Variants in DDHD1 observed in about 807,000 individuals in gnomAD.
The protein encoded by DDHD1 is DDHD domain containing 1.
In DDHD1, 49 loss-of-function variants were observed where a neutral mutation model predicts 96.4. The ratio of observed to expected loss-of-function variants is 0.51; its 90% CI spans 0.40 to 0.64. The LOEUF (loss-of-function observed/expected upper bound fraction) is 0.64, where lower values mean the gene tolerates loss of function less well. Ranked by LOEUF, DDHD1 falls within the 30% of genes least tolerant of loss-of-function variation. The pLI is 0.00. For synonymous variants in DDHD1, 442 were observed against 446.5 expected, an observed-to-expected ratio of 0.99 and a Z score of 0.13; for missense variants, 1,106 against 1,161.2, an observed-to-expected ratio of 0.95 and a Z score of 0.69.
At chr14:53,067,962 G>C (rs1006410003) in intron 6 of DDHD1, among the ~76,000 whole-genome samples, 2 of 152,084 alleles carry the variant, frequency 1.3e-5, no homozygotes, top group African/African-American at 4.8e-5. Context: ...TATATGTCAT[G>C]ATCTTTTACC....
intron 1 of DDHD1, among the ~76,000 whole-genome samples, chr14:53,139,447 G>T (rs1382507056): frequency 6.6e-6 from 1 of 152,240 alleles, no homozygotes; most frequent in East Asian, 1.9e-4. Flanking sequence ...CCCTCTACTC[G>T]AAATGCAAGG....
At chr14:53,059,371 A>G (rs922141947) in intron 8 of DDHD1, among the ~76,000 whole-genome samples, 28 of 151,910 alleles carry the variant, frequency 1.8e-4, no homozygotes, top group Non-Finnish European at 2.8e-4. Context: ...CAGCCTCCTG[A>G]GTAGCTGGAA....
intron 2 of DDHD1, chr14:53,093,707 C>T (rs1399610787): frequency 1.0e-5 from 4 of 386,684 alleles, no homozygotes; most frequent in African/African-American, 8.5e-5. Flanking sequence ...ATAATTTTAA[C>T]CTCTAATATA....
intron 6 of DDHD1, among the ~76,000 whole-genome samples, chr14:53,071,518 T>A (rs1276869764): frequency 6.6e-6 from 1 of 152,028 alleles, no homozygotes; most frequent in Non-Finnish European, 1.5e-5. Context: ...CGTAGTAAGT[T>A]CTCAATAAAC....
chr14:53,041,753 C>T lies in DDHD1; in HGVS notation c.*5015G>A, dbSNP rs911480603. 1 of 151,978 alleles carries T rather than the reference C, an allele frequency of 6.6e-6. No homozygotes were observed. The highest frequency in any genetic ancestry group is 2.4e-5 in the African/African-American group (1 of 41,378). The allele number at this position is 151,978 out of a possible 1,614,324, so 9.4% of individuals were successfully genotyped here. A position where few individuals can be genotyped will look rare whatever the true frequency, so the allele number is the denominator to read the frequency against. ...GGCATAAACGGAAGTCTGTCCAGAC[C>T]TGATAGGGTACTCTTATGAGAGTCT... is the stretch of plus-strand genomic sequence containing the variant. On this transcript the variant is annotated 3_prime_UTR_variant, in exon 13 of 13. Transcript: ENST00000673822.
chr14:53,131,512 C>T (rs1206514879), intron 1 of DDHD1, among the ~76,000 whole-genome samples: 3 of 152,170 alleles, frequency 2.0e-5, no homozygotes, highest in Non-Finnish European at 2.9e-5. Context: ...TACCTTCCTC[C>T]ACAACCCATT....
intron 1 of DDHD1, among the ~76,000 whole-genome samples, chr14:53,109,998 A>G (rs1265643723): frequency 6.6e-6 from 1 of 152,162 alleles, no homozygotes; most frequent in Admixed American, 6.6e-5. Flanking sequence ...AGCTTCCTGG[A>G]AAAAAATTGA....
chr14:53,120,149 C>A (rs1174433225), intron 1 of DDHD1, among the ~76,000 whole-genome samples: 1 of 152,132 alleles, frequency 6.6e-6, no homozygotes, highest in Non-Finnish European at 1.5e-5. Flanking sequence ...TTCTTATACA[C>A]CAATAATAGA....
intron 1 of DDHD1, 151 bp from the exon 2 acceptor site, chr14:53,104,007 ATTTAT>A: frequency 2.9e-6 from 2 of 683,722 alleles, no homozygotes; most frequent in Non-Finnish European, 2.3e-6. Flanking sequence ...ATTTATGTTT[ATTTAT>A]TTTGAGATAT....
At chr14:53,114,708 C>A (rs1000659123) in intron 1 of DDHD1, among the ~76,000 whole-genome samples, 2 of 152,180 alleles carry the variant, frequency 1.3e-5, no homozygotes, top group East Asian at 1.9e-4. Flanking sequence ...CACACAAAAA[C>A]CCCATCCAAA....
chr14:53,150,337 T>A (rs1891258517), intron 1 of DDHD1, among the ~76,000 whole-genome samples: 1 of 152,246 alleles, frequency 6.6e-6, no homozygotes, highest in African/African-American at 2.4e-5. Flanking sequence ...CTTTGCATAC[T>A]GCACTGTATT....
At chr14:53,148,644 A>T (rs938161445) in intron 1 of DDHD1, among the ~76,000 whole-genome samples, 2 of 152,186 alleles carry the variant, frequency 1.3e-5, no homozygotes, top group Admixed American at 1.3e-4. Flanking sequence ...AGCTCATGAA[A>T]TATCTCTAGA....
intron 9 of DDHD1, among the ~76,000 whole-genome samples, chr14:53,057,992 G>T (rs147118931): frequency 6.6e-5 from 10 of 151,850 alleles, no homozygotes; most frequent in African/African-American, 2.4e-4. Flanking sequence ...TGGGATTACA[G>T]CCGTGCCCAG....
intron 4 of DDHD1, among the ~76,000 whole-genome samples, chr14:53,088,133 A>T (rs577885080): frequency 1.3e-5 from 2 of 152,298 alleles, no homozygotes; most frequent in South Asian, 2.1e-4. Context: ...AAGTTGAATC[A>T]CTGAATAGAC....
At chr14:53,063,250 C>A (rs1264737742) in intron 6 of DDHD1, 45 bp from the exon 7 acceptor site, 3 of 1,567,494 alleles carry the variant, frequency 1.9e-6, no homozygotes, top group East Asian at 4.5e-5. Flanking sequence ...TTGTCACTGA[C>A]TACTATACAC....
intron 1 of DDHD1, among the ~76,000 whole-genome samples, chr14:53,104,508 G>A (rs575237536): frequency 1.3e-5 from 2 of 152,288 alleles, no homozygotes; most frequent in South Asian, 4.1e-4. Flanking sequence ...TAGAAATAGT[G>A]TGTGTGGTAG....
chr14:53,103,683 C>T lies in DDHD1; in HGVS notation c.1012G>A (p.Ala338Thr), dbSNP rs750394838. The stretch of plus-strand genomic sequence containing the variant: ...TATTAAATGTATCAATTGATCTTAC[C>T]ATCTTTTCCATCTATGGATTTTGAC... The part of the protein sequence containing the change: ...EVSKSIDGKD[A>T]VHSFKLSRNH... The change falls in exon 2 of 13, where the codon GCT becomes ACT. Residue 338 changes from alanine to threonine, a missense_variant and splice_region_variant. Ala to Thr is a moderately conservative substitution (Grantham distance 58, BLOSUM62 0). This residue lies in a region of DDHD1 where 650 missense variants were observed against 758.8 expected (regional missense o/e 0.86). Coordinates refer to ENST00000673822, the MANE Select transcript of DDHD1 (RefSeq NM_001160148.2). 3.7e-6 allele frequency: 6 copies of T among 1,603,840 alleles called. No individual in the cohort carries two copies. The highest frequency in any genetic ancestry group is 5.1e-6 in the Non-Finnish European group (6 of 1,175,980).
chr14:53,114,538 G>T (rs748913570), intron 1 of DDHD1, among the ~76,000 whole-genome samples: 2 of 152,226 alleles, frequency 1.3e-5, no homozygotes, highest in Non-Finnish European at 2.9e-5. Flanking sequence ...TCCAGAGGAA[G>T]GAGCAGGCAG....
chr14:53,092,382 CAT>C (rs1308436898), intron 3 of DDHD1: 1 of 148,804 alleles, frequency 6.7e-6, no homozygotes, highest in African/African-American at 2.5e-5. Flanking sequence ...AACTAATAAA[CAT>C]AAAAAGATAT....
Sources: allele counts gnomAD v4.1 joint callset (sites outside exome capture counted in the v4.1 genomes callset), GRCh38; gene constraint gnomAD v4.1.1; regional missense constraint gnomAD v4.1.1; transcripts MANE v1.5; gene names NCBI Gene and HGNC (gene_info 2026-07-23, HGNC 2026-07-21).